Variants in SLC16A12 observed in about 807,000 individuals in gnomAD.
SLC16A12 encodes monocarboxylate transporter 12.
SLC16A12 carries 17 observed loss-of-function variants against 42.4 expected under a neutral mutation model. The ratio of observed to expected loss-of-function variants is 0.40; its 90% CI spans 0.27 to 0.60. The LOEUF (loss-of-function observed/expected upper bound fraction) is 0.60, where lower values mean the gene tolerates loss of function less well. SLC16A12 is among the 20% of genes least tolerant of loss of function. The probability of loss-of-function intolerance (pLI) is 0.42; values close to 1 mark genes in which losing one functional copy is unlikely to be tolerated. For synonymous variants in SLC16A12, 224 were observed against 229.4 expected (o/e 0.98, Z 0.21); for missense variants, 544 against 623.0 (o/e 0.87, Z 1.35).
intron 2 of SLC16A12, among the ~76,000 whole-genome samples, chr10:89,465,892 A>C (rs1387702522): frequency 6.6e-6 from 1 of 152,188 alleles, no homozygotes; most frequent in Non-Finnish European, 1.5e-5. Context: ...CCTCTGGGAA[A>C]TGTTTCCCTG....
At chr10:89,537,172 G>T (rs1321531352), upstream of SLC16A12, among the ~76,000 whole-genome samples, 1 of 140,782 alleles carries the variant, frequency 7.1e-6, no homozygotes, top group Non-Finnish European at 1.5e-5. Context: ...TTTTGGGAAG[G>T]AGTCTCGTTT....
chr10:89,543,309 G>A (rs1490275850), intron 2 of SLC16A12, among the ~76,000 whole-genome samples: 1 of 152,110 alleles, frequency 6.6e-6, no homozygotes, highest in Non-Finnish European at 1.5e-5. Flanking sequence ...AAACATCCCA[G>A]TTTATTCACA....
intron 3 of SLC16A12, among the ~76,000 whole-genome samples, chr10:89,450,331 T>C (rs577970095): frequency 6.6e-6 from 1 of 152,326 alleles, no homozygotes; most frequent in Admixed American, 6.5e-5. Flanking sequence ...TGTGGCACTA[T>C]TCACAATAGG....
chr10:89,549,615 A>G (rs951524043), intron 2 of SLC16A12, among the ~76,000 whole-genome samples: 3 of 152,158 alleles, frequency 2.0e-5, no homozygotes, highest in Non-Finnish European at 4.4e-5. Context: ...TTTTAAGTTT[A>G]TAAAAAGAAG....
At chr10:89,507,984 G>A (rs766643505) in intron 2 of SLC16A12, among the ~76,000 whole-genome samples, 1 of 152,106 alleles carries the variant, frequency 6.6e-6, no homozygotes, top group Non-Finnish European at 1.5e-5. Context: ...GACAAAGAAG[G>A]CCATTACATA....
intron 2 of SLC16A12, among the ~76,000 whole-genome samples, chr10:89,525,989 C>T (rs1843445529): frequency 1.3e-5 from 2 of 152,224 alleles, no homozygotes; most frequent in South Asian, 2.1e-4. Context: ...TAGGTAACCA[C>T]CCAAGTTTAT....
chr10:89,502,896 A>G (rs1182301019), intron 2 of SLC16A12, among the ~76,000 whole-genome samples: 1 of 152,204 alleles, frequency 6.6e-6, no homozygotes, highest in Non-Finnish European at 1.5e-5. Context: ...ATCTCTTAAT[A>G]AAAGGCTGAG....
intron 2 of SLC16A12, among the ~76,000 whole-genome samples, chr10:89,542,306 C>CTTTTTTTTTT (rs200847363): frequency 6.6e-5 from 9 of 137,018 alleles, no homozygotes; most frequent in Non-Finnish European, 1.1e-4. Flanking sequence ...CTTTTTTTTT[C>CTTTTTTTTTT]TTTTTTTTTT....
At chr10:89,552,173 A>G (rs942357542) in intron 2 of SLC16A12, among the ~76,000 whole-genome samples, 16 of 152,172 alleles carry the variant, frequency 1.1e-4, no homozygotes, top group African/African-American at 3.9e-4. Context: ...TGACCTTTTG[A>G]TCTTCCCACC....
At chr10:89,504,600 A>G (rs1490231157) in intron 2 of SLC16A12, among the ~76,000 whole-genome samples, 1 of 152,240 alleles carries the variant, frequency 6.6e-6, no homozygotes, top group Non-Finnish European at 1.5e-5. Context: ...AAGGCCTAAA[A>G]GTATTCAGAA....
At chr10:89,547,170 A>T (rs991153826) in intron 2 of SLC16A12, among the ~76,000 whole-genome samples, 4 of 152,178 alleles carry the variant, frequency 2.6e-5, no homozygotes, top group Non-Finnish European at 4.4e-5. Flanking sequence ...GAATGAATTT[A>T]AAAAAATTCA....
intron 2 of SLC16A12, among the ~76,000 whole-genome samples, chr10:89,492,726 C>T (rs1192363910): frequency 6.6e-6 from 1 of 151,422 alleles, no homozygotes; most frequent in Non-Finnish European, 1.5e-5. Flanking sequence ...TGTATAGCAC[C>T]ATGGAGTTTA....
intron 2 of SLC16A12, among the ~76,000 whole-genome samples, chr10:89,525,626 T>C (rs1022584166): frequency 6.6e-5 from 10 of 152,248 alleles, no homozygotes; most frequent in African/African-American, 2.4e-4. Flanking sequence ...TTATTTGTTC[T>C]TTATCTAGGT....
At chr10:89,509,127 C>G (rs1843120400) in intron 2 of SLC16A12, among the ~76,000 whole-genome samples, 1 of 152,090 alleles carries the variant, frequency 6.6e-6, no homozygotes, top group Non-Finnish European at 1.5e-5. Context: ...AAAAAAAGTC[C>G]AGGACCAGAC....
intron 2 of SLC16A12, among the ~76,000 whole-genome samples, chr10:89,490,097 G>A (rs966454483): frequency 1.4e-4 from 22 of 152,200 alleles, no homozygotes; most frequent in Non-Finnish European, 2.8e-4. Flanking sequence ...GTCTTTATAT[G>A]AAGAGGAATG....
At chr10:89,506,068 C>G (rs1249134799) in intron 2 of SLC16A12, among the ~76,000 whole-genome samples, 1 of 152,204 alleles carries the variant, frequency 6.6e-6, no homozygotes, top group African/African-American at 2.4e-5. Flanking sequence ...AAGGCAGCGG[C>G]CCCACTCAGG....
At chr10:89,514,305 T>C (rs1843211416) in intron 2 of SLC16A12, among the ~76,000 whole-genome samples, 1 of 152,186 alleles carries the variant, frequency 6.6e-6, no homozygotes. Flanking sequence ...CAGGAGAGCT[T>C]GGTGTCACTG....
intron 2 of SLC16A12, among the ~76,000 whole-genome samples, chr10:89,477,564 C>CAAAAAAAAA (rs34204051): frequency 2.0e-5 from 1 of 49,258 alleles, no homozygotes; most frequent in South Asian, 8.3e-4. Context: ...AACTCTGTCT[C>CAAAAAAAAA]AAAAAAAAAA....
intron 3 of SLC16A12, among the ~76,000 whole-genome samples, chr10:89,451,596 G>A (rs532634217): frequency 3.3e-5 from 5 of 152,138 alleles, no homozygotes; most frequent in Non-Finnish European, 7.4e-5. Flanking sequence ...ATTTTTAGTA[G>A]AGACAGGGTT....
Sources: allele counts gnomAD v4.1 joint callset (sites outside exome capture counted in the v4.1 genomes callset), GRCh38; gene constraint gnomAD v4.1.1; transcripts MANE v1.5; gene names NCBI Gene and HGNC (gene_info 2026-07-23, HGNC 2026-07-21).